The following HPSE2 variants were observed in gnomAD, a reference collection of about 807,000 sequenced individuals.
HPSE2 encodes the protein heparanase 2 (inactive).
A neutral mutation model predicts 60.5 loss-of-function variants in HPSE2; 38 were observed. The ratio of observed to expected loss-of-function variants is 0.63; its 90% CI spans 0.48 to 0.82. The LOEUF is 0.82. HPSE2 is among the 40% of genes least tolerant of loss of function. HPSE2 has a pLI of 0.00. For synonymous variants in HPSE2, 295 were observed against 293.2 expected (o/e 1.01, Z -0.06); for missense variants, 713 against 740.4 (o/e 0.96, Z 0.43).
intron 2 of HPSE2, among the ~76,000 whole-genome samples, chr10:99,200,546 T>C (rs1385321311): frequency 1.3e-5 from 2 of 152,112 alleles, no homozygotes; most frequent in African/African-American, 2.4e-5. Flanking sequence ...ACTTCCTCAT[T>C]TGTGCAATAA....
intron 5 of HPSE2, among the ~76,000 whole-genome samples, chr10:98,698,094 T>C (rs1432922073): frequency 7.0e-5 from 10 of 143,604 alleles, no homozygotes; most frequent in Non-Finnish European, 1.5e-4. Flanking sequence ...GACAGAAAGT[T>C]AACAAGGATA....
At chr10:98,920,124 C>G (rs377404478) in intron 3 of HPSE2, among the ~76,000 whole-genome samples, 16 of 152,270 alleles carry the variant, frequency 1.1e-4, no homozygotes, top group African/African-American at 3.6e-4. Flanking sequence ...TATGCTGCTC[C>G]CAGGCAATGA....
At chr10:98,962,686 C>T (rs1031469704) in intron 3 of HPSE2, among the ~76,000 whole-genome samples, 7 of 149,866 alleles carry the variant, frequency 4.7e-5, no homozygotes, top group African/African-American at 1.5e-4. Flanking sequence ...AAAACCCCAT[C>T]GTCTCAGCCC....
At chr10:99,178,176 A>G (rs1330236835) in intron 2 of HPSE2, among the ~76,000 whole-genome samples, 1 of 151,852 alleles carries the variant, frequency 6.6e-6, no homozygotes, top group Non-Finnish European at 1.5e-5. Flanking sequence ...GGAAAGATCT[A>G]AAATCAACAC....
At chr10:98,928,724 A>G (rs1411312501) in intron 3 of HPSE2, among the ~76,000 whole-genome samples, 1 of 136,116 alleles carries the variant, frequency 7.3e-6, no homozygotes, top group Admixed American at 7.4e-5. Context: ...CATTCTCAGT[A>G]AACTATCGCA....
rs185335981 is a variant in HPSE2, at chr10:99,175,762, C to T, written c.449-31363G>A. On this transcript the variant is annotated intron_variant, in intron 2 of 11. Coordinates refer to ENST00000370552, the MANE Select transcript of HPSE2 (RefSeq NM_021828.5). The stretch of plus-strand genomic sequence containing the variant: ...GGAGCAGATCTCCCAGCACAGGGTT[C>T]GAGTTATGCTAAGGTACAGACTGCC... Among the ~76,000 whole-genome samples the T allele has an allele frequency of 4.9e-3, 748 of 152,292 alleles. 5 individuals are homozygous for T. The highest frequency in any genetic ancestry group is 7.2e-3 in the Non-Finnish European group (488 of 68,026).
intron 6 of HPSE2, among the ~76,000 whole-genome samples, chr10:98,650,940 GAGGTTCAACTCT>G (rs1946896945): frequency 6.6e-6 from 1 of 152,208 alleles, no homozygotes; most frequent in African/African-American, 2.4e-5. Context: ...ACAAAAGCTA[GAGGTTCAACTCT>G]AGCCTGCATG....
intron 6 of HPSE2, among the ~76,000 whole-genome samples, chr10:98,645,909 A>G (rs960156042): frequency 1.3e-5 from 2 of 152,170 alleles, no homozygotes; most frequent in Non-Finnish European, 2.9e-5. Context: ...CGGGAGGCGG[A>G]GCTTGCAGTG....
intron 2 of HPSE2, among the ~76,000 whole-genome samples, chr10:99,193,820 T>TA (rs1438602613): frequency 1.3e-5 from 2 of 151,752 alleles, no homozygotes; most frequent in African/African-American, 4.8e-5. Context: ...ATGAGAGAGA[T>TA]AGACTCCAAT....
upstream of HPSE2, among the ~76,000 whole-genome samples, chr10:99,238,484 T>C (rs1291225243): frequency 2.0e-5 from 3 of 152,252 alleles, no homozygotes; most frequent in South Asian, 6.2e-4. Context: ...CTTGTTTTCT[T>C]AATTCCTGAT....
the HPSE2 span, among the ~76,000 whole-genome samples, chr10:99,286,231 C>T: frequency 1.3e-5 from 2 of 152,058 alleles, no homozygotes; most frequent in Non-Finnish European, 2.9e-5. Flanking sequence ...GTTATATATC[C>T]AAATAATTGA....
At chr10:98,862,139 T>G (rs759128643) in intron 3 of HPSE2, among the ~76,000 whole-genome samples, 1 of 152,192 alleles carries the variant, frequency 6.6e-6, no homozygotes, top group Non-Finnish European at 1.5e-5. Context: ...TATCTCATTG[T>G]GCGGAGATAG....
intron 9 of HPSE2, among the ~76,000 whole-genome samples, chr10:98,591,887 G>A (rs1945101834): frequency 1.3e-5 from 2 of 152,072 alleles, no homozygotes; most frequent in Admixed American, 1.3e-4. Flanking sequence ...CTATACTTCA[G>A]TTTGGCTTAT....
At chr10:99,293,289 A>G in the HPSE2 span, among the ~76,000 whole-genome samples, 1 of 152,260 alleles carries the variant, frequency 6.6e-6, no homozygotes, top group Non-Finnish European at 1.5e-5. Context: ...AGCAAATGGT[A>G]TAAGTTAGAA....
chr10:99,261,166 CTT>C, the HPSE2 span, among the ~76,000 whole-genome samples: 46 of 152,276 alleles, frequency 3.0e-4, no homozygotes, highest in African/African-American at 9.1e-4. Flanking sequence ...TTCTTTCTCT[CTT>C]GTCTGTTCCT....
At chr10:99,205,583 A>G (rs1218606264) in intron 2 of HPSE2, among the ~76,000 whole-genome samples, 1 of 152,072 alleles carries the variant, frequency 6.6e-6, no homozygotes, top group Non-Finnish European at 1.5e-5. Flanking sequence ...CTCTGTCTCA[A>G]AAAAAAAGCT....
intron 9 of HPSE2, among the ~76,000 whole-genome samples, chr10:98,550,287 G>A: frequency 1.6e-5 from 1 of 63,566 alleles, no homozygotes; most frequent in East Asian, 9.9e-4. Context: ...TTAATGCTTA[G>A]CATTTTTTTT....
chr10:98,754,179 T>C (rs140750092), intron 3 of HPSE2, among the ~76,000 whole-genome samples: 1 of 151,856 alleles, frequency 6.6e-6, no homozygotes, highest in Non-Finnish European at 1.5e-5. Flanking sequence ...TCTGATAGAG[T>C]TGAAAAACTC....
intron 2 of HPSE2, among the ~76,000 whole-genome samples, chr10:99,204,499 GA>G (rs1281342532): frequency 6.6e-6 from 1 of 152,072 alleles, no homozygotes; most frequent in Non-Finnish European, 1.5e-5. Flanking sequence ...CAGGAAACAT[GA>G]AAAAAACCTA....
Sources: allele counts gnomAD v4.1 joint callset (sites outside exome capture counted in the v4.1 genomes callset), GRCh38; gene constraint gnomAD v4.1.1; transcripts MANE v1.5; gene names NCBI Gene and HGNC (gene_info 2026-07-23, HGNC 2026-07-21).